Variants in TAOK3 observed in about 807,000 individuals in gnomAD.
The protein encoded by TAOK3 is TAO kinase 3.
Under a neutral mutation model 120.4 loss-of-function variants are expected in TAOK3, and 40 were observed. The observed-to-expected ratio is 0.33, with a 90% CI of 0.26 to 0.43. The LOEUF is 0.43. Ranked by LOEUF, TAOK3 falls within the 20% of genes least tolerant of loss-of-function variation. The probability of loss-of-function intolerance (pLI) is 1.00; values close to 1 mark genes in which losing one functional copy is unlikely to be tolerated. For missense variants in TAOK3, 821 were observed against 1,112.1 expected, an observed-to-expected ratio of 0.74 and a Z score of 3.72; for synonymous variants, 355 against 387.5, an observed-to-expected ratio of 0.92 and a Z score of 0.99.
intron 1 of TAOK3, among the ~76,000 whole-genome samples, chr12:118,268,963 A>G (rs745813129): frequency 3.3e-5 from 5 of 152,068 alleles, no homozygotes; most frequent in Non-Finnish European, 7.4e-5. Flanking sequence ...AGCCGAGATC[A>G]TGCCATTGCA....
intron 1 of TAOK3, among the ~76,000 whole-genome samples, chr12:118,278,195 T>C (rs1362636143): frequency 6.6e-6 from 1 of 152,186 alleles, no homozygotes; most frequent in Non-Finnish European, 1.5e-5. Context: ...GTTTGTTATA[T>C]AGGTACATTG....
At chr12:118,227,572 T>G (rs1565979402) in intron 9 of TAOK3, among the ~76,000 whole-genome samples, 1 of 152,190 alleles carries the variant, frequency 6.6e-6, no homozygotes, top group African/African-American at 2.4e-5. Flanking sequence ...TGCTAAATAC[T>G]TTACCTAAGT....
chr12:118,242,101 A>AG (rs1187327569), intron 5 of TAOK3, among the ~76,000 whole-genome samples: 6 of 151,934 alleles, frequency 3.9e-5, no homozygotes, highest in Admixed American at 1.3e-4. Flanking sequence ...AAAAAAAAAA[A>AG]AGAGAAAAAC....
chr12:118,217,049 T>A (rs180680778), intron 9 of TAOK3, among the ~76,000 whole-genome samples: 1 of 152,376 alleles, frequency 6.6e-6, no homozygotes, highest in East Asian at 1.9e-4. Context: ...ATTCATAATC[T>A]GATCTCTAGT....
chr12:118,222,431 G>T (rs2039282103), intron 9 of TAOK3, among the ~76,000 whole-genome samples: 2 of 151,986 alleles, frequency 1.3e-5, no homozygotes, highest in African/African-American at 4.8e-5. Flanking sequence ...TACTTGGGAG[G>T]CTGAGGCAGG....
chr12:118,284,101 A>G (rs1272835504), intron 1 of TAOK3, among the ~76,000 whole-genome samples: 1 of 152,198 alleles, frequency 6.6e-6, no homozygotes, highest in Non-Finnish European at 1.5e-5. Flanking sequence ...GAAAGAATAT[A>G]AACCAAAATG....
chr12:118,216,928 CAAA>C (rs11298822), intron 9 of TAOK3, among the ~76,000 whole-genome samples: 7 of 89,924 alleles, frequency 7.8e-5, no homozygotes, highest in Non-Finnish European at 9.0e-5. Context: ...GACTCCATCT[CAAA>C]AAAAAAAAAA....
At position 118,198,816 on chromosome 12, in the gene TAOK3, T is replaced by G. The variant is rs182065046; in HGVS notation, c.1194+235A>C. The G allele has an allele frequency of 1.8e-4, 98 of 540,144 alleles. 1 individual carries two copies. The highest frequency in any genetic ancestry group is 1.6e-3 in the African/African-American group (86 of 52,668). The allele number at this position is 540,144 out of a possible 1,614,324, so 33.5% of individuals were successfully genotyped here. A position where few individuals can be genotyped will look rare whatever the true frequency, so the allele number is the denominator to read the frequency against. ...GGACTTATCAAATTCTTCAACTTAT[T>G]TATTGATGATGATGGACATCAGAGT... On this transcript the variant is annotated intron_variant, in intron 13 of 20. Transcript: ENST00000392533.
At chr12:118,211,914 T>A (rs2139458998) in intron 11 of TAOK3, among the ~76,000 whole-genome samples, 1 of 152,326 alleles carries the variant, frequency 6.6e-6, no homozygotes, top group East Asian at 1.9e-4. Flanking sequence ...TGGTTGCTAT[T>A]TTCCCCTAAA....
chr12:118,217,404 A>G (rs1176732203), intron 9 of TAOK3, among the ~76,000 whole-genome samples: 1 of 152,116 alleles, frequency 6.6e-6, no homozygotes, highest in Admixed American at 6.5e-5. Context: ...ACAGTAGTCT[A>G]GGCCAGGCAT....
chr12:118,294,002 G>A (rs1014170999), intron 1 of TAOK3, among the ~76,000 whole-genome samples: 27 of 151,854 alleles, frequency 1.8e-4, no homozygotes, highest in African/African-American at 6.3e-4. Flanking sequence ...GCAACAAGAG[G>A]GAAACTCCAT....
chr12:118,274,795 A>T lies in TAOK3; in HGVS notation c.-193-8036T>A, dbSNP rs1007659936. Among the ~76,000 whole-genome samples the T allele has an allele frequency of 2.5e-4, 36 of 141,840 alleles. No individual in the cohort carries two copies. In the East Asian group the frequency reaches 6.8e-3, roughly 27 times the overall value. The allele number at this position is 141,840 out of a possible 152,430, so 93.1% of individuals were successfully genotyped here. ...AGGCACGTGCGACCACACCCTGTTA[A>T]TTTTTTTTTTTTTTTTTAGTAGAGA... On this transcript the variant is annotated intron_variant, in intron 1 of 20. Coordinates refer to ENST00000392533, the MANE Select transcript of TAOK3 (RefSeq NM_016281.4).
chr12:118,172,715 C>G, intron 16 of TAOK3, 55 bp from the exon 17 acceptor site: 1 of 1,428,540 alleles, frequency 7.0e-7, no homozygotes, highest in Non-Finnish European at 9.9e-7. Context: ...GGGACTGTAA[C>G]AGCTTATTGC....
At chr12:118,243,568 G>C in intron 4 of TAOK3, 52 bp from the exon 5 acceptor site, 9 of 713,322 alleles carry the variant, frequency 1.3e-5, no homozygotes, top group Non-Finnish European at 2.0e-5. Flanking sequence ...TAGGAAAATA[G>C]TATTTCCTAT....
chr12:118,299,988 C>T (rs1246792705), intron 1 of TAOK3, among the ~76,000 whole-genome samples: 1 of 152,166 alleles, frequency 6.6e-6, no homozygotes, highest in East Asian at 1.9e-4. Context: ...CCTTCCCCCA[C>T]TTACCCCTGT....
intron 11 of TAOK3, among the ~76,000 whole-genome samples, chr12:118,207,062 C>A (rs1204320276): frequency 1.3e-5 from 2 of 152,256 alleles, no homozygotes; most frequent in East Asian, 3.9e-4. Flanking sequence ...CACGGTGGGT[C>A]ATGCCTGTAA....
Position 118,244,878 on chromosome 12 carries a change from A to T in TAOK3, c.192+16T>A, listed in dbSNP as rs2040421642. ...TTGTTTATTTCAGTTTAGGTATACA[A>T]CTGTCTCTATCTCACCTCATGGGTC... On this transcript the variant is annotated intron_variant, in intron 4 of 20. Coordinates refer to ENST00000392533, the MANE Select transcript of TAOK3 (RefSeq NM_016281.4). The T allele has an allele frequency of 6.3e-7, 1 of 1,584,212 alleles. No individual in the cohort carries two copies. The highest frequency in any genetic ancestry group is 2.2e-5 in the East Asian group (1 of 44,522).
chr12:118,290,140 C>T (rs1479606421), intron 1 of TAOK3, among the ~76,000 whole-genome samples: 1 of 152,150 alleles, frequency 6.6e-6, no homozygotes, highest in Non-Finnish European at 1.5e-5. Flanking sequence ...TCTGACCATG[C>T]CACTCTCTAA....
rs112161601 is a variant in TAOK3 at position 118,164,564 on chromosome 12, C to A, written c.1900-2537G>T. ...TCCCGAGTAGCTGGGATTACAGGTG[C>A]CCACCACCACGCCTGGCTAATTTTT... On this transcript the variant is annotated intron_variant, in intron 17 of 20. Transcript: ENST00000392533. Among the ~76,000 whole-genome samples, 966 of 151,884 alleles carry A rather than the reference C, an allele frequency of 6.4e-3. 4 individuals are homozygous for A. The highest frequency in any genetic ancestry group is 0.022 in the African/African-American group (898 of 41,456).
Sources: allele counts gnomAD v4.1 joint callset (sites outside exome capture counted in the v4.1 genomes callset), GRCh38; gene constraint gnomAD v4.1.1; transcripts MANE v1.5; gene names NCBI Gene and HGNC (gene_info 2026-07-23, HGNC 2026-07-21).